PIGG: variants seen among roughly 807,000 people sequenced by gnomAD.
PIGG encodes GPI ethanolamine phosphate transferase 2, catalytic subunit.
Under a neutral mutation model 83.2 loss-of-function variants are expected in PIGG, and 70 were observed. That is an observed-to-expected ratio of 0.84 (90% confidence interval 0.69 to 1.03). PIGG has a LOEUF of 1.03. Ranked by LOEUF, PIGG falls within the 50% of genes least tolerant of loss-of-function variation. PIGG has a pLI of 0.00. For missense variants in PIGG, 1,257 were observed against 1,233.6 expected (o/e 1.02, Z -0.28); for synonymous variants, 532 against 519.5 (o/e 1.02, Z -0.33).
chr4:524,026 A>G (rs903802091), intron 9 of PIGG, 113 bp downstream of exon 9: 1 of 667,248 alleles, frequency 1.5e-6, no homozygotes, highest in Non-Finnish European at 2.5e-6. Flanking sequence ...ATGGGATAGT[A>G]TTTGAGATCT....
intron 10 of PIGG, 116 bp from the exon 11 acceptor site, chr4:530,306 CGGCTCCTTTAGTCA>C: frequency 1.5e-6 from 1 of 663,858 alleles, no homozygotes; most frequent in Non-Finnish European, 2.6e-6. Context: ...GAGGGTGCCG[CGGCTCCTTTAGTCA>C]GCAGTGCTGG....
At chr4:509,153 C>T (rs1720973753) in intron 5 of PIGG, among the ~76,000 whole-genome samples, 183 bp downstream of exon 5, 1 of 152,160 alleles carries the variant, frequency 6.6e-6, no homozygotes, top group Non-Finnish European at 1.5e-5. Flanking sequence ...TTCCCGAATC[C>T]TTAAAATACA....
rs1028657637 is a variant in PIGG, at chr4:539,779, G to A, written c.*410G>A. ...GCGCTTTGGTTTATGAGGGTTACAT[G>A]TATCAGTGTTTATGGCATTTGAGAT... On this transcript the variant is annotated 3_prime_UTR_variant, in exon 13 of 13. Coordinates refer to ENST00000453061, the MANE Select transcript of PIGG (RefSeq NM_001127178.3). 6.3e-6 allele frequency: 1 copy of A among 159,432 alleles called. No individual in the cohort carries two copies. Among genetic ancestry groups the A allele is most frequent in the Non-Finnish European group, 1.4e-5 (1 of 73,122 alleles). The allele number at this position is 159,432 out of a possible 1,614,324, so 9.9% of individuals were successfully genotyped here.
chr4:539,418 T>G lies in PIGG; in HGVS notation c.*49T>G. ...AATACATGCTTAAAGTCTGCTGTTA[T>G]TCTAAAATGAAAGATATGAATTCAA... On this transcript the variant is annotated 3_prime_UTR_variant, in exon 13 of 13. Coordinates refer to ENST00000453061, the MANE Select transcript of PIGG (RefSeq NM_001127178.3). The G allele has an allele frequency of 8.7e-7, 1 of 1,144,642 alleles. No homozygotes were observed. The highest frequency in any genetic ancestry group is 1.3e-6 in the Non-Finnish European group (1 of 786,146). 70.9% of individuals were successfully genotyped at this position (1,144,642 alleles called of 1,614,324 possible). A position where few individuals can be genotyped will look rare whatever the true frequency, so the allele number is the denominator to read the frequency against.
intron 6 of PIGG, among the ~76,000 whole-genome samples, chr4:520,378 G>A (rs995923440): frequency 5.9e-5 from 9 of 152,250 alleles, no homozygotes; most frequent in African/African-American, 2.2e-4. Flanking sequence ...ATGGCACTGT[G>A]GTTTAAAAGA....
intron 4 of PIGG, 143 bp downstream of exon 4, chr4:507,736 G>A (rs1241025587): frequency 8.6e-6 from 6 of 696,410 alleles, no homozygotes; most frequent in Non-Finnish European, 1.5e-5. Flanking sequence ...TGCCACACGG[G>A]CAGCACTGTC....
In PIGG at chr4:507,390, G is replaced by A. The variant is rs1553880091; in HGVS notation, c.571-15G>A. 5 of 1,594,788 alleles carry A rather than the reference G, an allele frequency of 3.1e-6. No individual in the cohort carries two copies. In the East Asian group the frequency reaches 1.1e-4, roughly 36 times the overall value. On this transcript the variant is annotated splice_polypyrimidine_tract_variant and intron_variant, in intron 3 of 12. Transcript: ENST00000453061. ...AATTAGGTGAGTTGTTTATACGTGT[G>A]TTTCCCCTTCAAAGGTGGATAATAA...
intron 2 of PIGG, chr4:500,953 C>T (rs1553875500): frequency 2.6e-6 from 1 of 381,830 alleles, no homozygotes; most frequent in Non-Finnish European, 5.0e-6. Context: ...TAGAGTTAAT[C>T]TAGTTCAGTC....
At chr4:501,872 C>T (rs1260549115) in intron 2 of PIGG, 1 of 152,166 alleles carries the variant, frequency 6.6e-6, no homozygotes, top group Non-Finnish European at 1.5e-5. Flanking sequence ...AAATATGAAT[C>T]AATGAAGATG....
chr4:538,795 T>C (rs574332495), intron 12 of PIGG, among the ~76,000 whole-genome samples: 13 of 152,200 alleles, frequency 8.5e-5, no homozygotes, highest in Non-Finnish European at 1.9e-4. Context: ...CAGAAGCATT[T>C]CTGGAGAGCT....
At chr4:527,887 T>G in intron 10 of PIGG, 1 of 985,418 alleles carries the variant, frequency 1.0e-6, no homozygotes. Context: ...TGGGTGACCC[T>G]CTATTTAAAT....
At chr4:530,128 C>T (rs926001514) in intron 10 of PIGG, among the ~76,000 whole-genome samples, 2 of 152,092 alleles carry the variant, frequency 1.3e-5, no homozygotes, top group Non-Finnish European at 2.9e-5. Context: ...CACGAGGGCA[C>T]CGCTTGGGTC....
intron 12 of PIGG, among the ~76,000 whole-genome samples, chr4:535,648 G>A (rs1213111073): frequency 2.6e-5 from 4 of 152,240 alleles, no homozygotes; most frequent in Non-Finnish European, 4.4e-5. Flanking sequence ...CTGAACCGTC[G>A]CTCTCGCGGT....
chr4:523,777 G>C lies in PIGG; in HGVS notation c.1933G>C (p.Val645Leu), dbSNP rs142545574. 1.2e-6 allele frequency: 2 copies of C among 1,613,928 alleles called. No homozygotes were observed. Among genetic ancestry groups the C allele is most frequent in the East Asian group, 4.5e-5 (2 of 44,882 alleles). The change falls in exon 9 of 13, where the codon GTG (valine) becomes CTG (leucine). Residue 645 changes from valine to leucine, a missense_variant. By Grantham distance (32) the Val-to-Leu change is conservative (BLOSUM62 1). Transcript: ENST00000453061. ...KGHGSPSTSE[V>L]LRGREKWMVL... The stretch of plus-strand genomic sequence containing the variant: ...CCACGGAAGCCCCTCTACCTCCGAA[G>C]TGCTCAGAGGCCGCGAGAAGTGGAT...
At position 507,586 on chromosome 4, in the gene PIGG, A is replaced by G. The variant is rs560142625; in HGVS notation, c.752A>G (p.Gln251Arg). 1 of 1,609,970 alleles carries G rather than the reference A, an allele frequency of 6.2e-7. No individual in the cohort carries two copies. The highest frequency in any genetic ancestry group is 2.2e-5 in the East Asian group (1 of 44,758). ...CTGATGAAGATCCACACCTCACTGC[A>G]GTCGAAGGTGAGGCTCGCCGTCGCT... is the stretch of plus-strand genomic sequence containing the variant. The part of the protein sequence containing the change: ...SVLMKIHTSL[Q>R]SKERETPLPN... Residue 251 changes from glutamine (Q) to arginine (R), a missense_variant, in exon 4 of 13, where the codon CAG becomes CGG. By Grantham distance (43) the Gln-to-Arg change is conservative (BLOSUM62 1). Coordinates refer to ENST00000453061, the MANE Select transcript of PIGG (RefSeq NM_001127178.3).
intron 6 of PIGG, 124 bp from the exon 7 acceptor site, chr4:520,932 C>T (rs923175735): frequency 1.0e-5 from 7 of 687,866 alleles, no homozygotes; most frequent in Middle Eastern, 2.4e-4. Flanking sequence ...CTTCATTAAG[C>T]GTCAGTTGTG....
Position 517,472 on chromosome 4 carries a change from C to G in PIGG, c.1114+1287C>G, listed in dbSNP as rs552658178. On this transcript the variant is annotated intron_variant, in intron 6 of 12. Coordinates refer to ENST00000453061, the MANE Select transcript of PIGG (RefSeq NM_001127178.3). ...TCAGGAGGGCACGACTTAGGAGGAA[C>G]AGTTCTGCAAGGCAGGTGCTTGTGG... Among the ~76,000 whole-genome samples, 6 of 152,256 alleles carry G rather than the reference C, an allele frequency of 3.9e-5. No homozygotes were observed. The South Asian group carries it at 1.2e-3, about 32-fold the overall frequency.
At position 499,346 on chromosome 4, in the gene PIGG, G is replaced by A; in HGVS notation, c.11G>A (p.Gly4Asp). The change falls in exon 1 of 13, where the codon GGC (glycine) becomes GAC (aspartate). Residue 4 changes from glycine to aspartate, a missense_variant. Transcript: ENST00000453061. ...CCTAGCGTGTCCACGATGCGGCTGG[G>A]CTCCGGGACTTTCGCTACCTGTTGC... MRLGSGTFATCCVA... is the reference protein window; with the variant it reads MRLDSGTFATCCVA... The A allele has an allele frequency of 6.2e-7, 1 of 1,608,432 alleles. No homozygotes were observed.
chr4:534,121 G>A, intron 12 of PIGG, 140 bp downstream of exon 12: 1 of 756,822 alleles, frequency 1.3e-6, no homozygotes, highest in Non-Finnish European at 2.1e-6. Context: ...CCTTAAATAG[G>A]GAACGGTCCA....
Sources: allele counts gnomAD v4.1 joint callset (sites outside exome capture counted in the v4.1 genomes callset), GRCh38; gene constraint gnomAD v4.1.1; transcripts MANE v1.5; gene names NCBI Gene and HGNC (gene_info 2026-07-23, HGNC 2026-07-21).